The following CDKAL1 variants were observed in gnomAD, a reference collection of about 807,000 sequenced individuals.
CDKAL1 encodes threonylcarbamoyladenosine tRNA methylthiotransferase.
A neutral mutation model predicts 68.2 loss-of-function variants in CDKAL1; 32 were observed. That is an observed-to-expected ratio of 0.47 (90% CI 0.35 to 0.63). CDKAL1 has a LOEUF of 0.63. Ranked by LOEUF, CDKAL1 falls within the 30% of genes least tolerant of loss-of-function variation. CDKAL1 has a pLI of 0.00. For synonymous variants in CDKAL1, 234 were observed against 244.3 expected (o/e 0.96, Z 0.39); for missense variants, 606 against 696.7 (o/e 0.87, Z 1.47).
intron 5 of CDKAL1, among the ~76,000 whole-genome samples, chr6:20,690,575 A>G (rs1223919150): frequency 6.6e-6 from 1 of 152,198 alleles, no homozygotes; most frequent in Non-Finnish European, 1.5e-5. Context: ...TGCTAATTTA[A>G]TGGAGATTGG....
chr6:20,579,139 G>A (rs1765035748), intron 4 of CDKAL1, among the ~76,000 whole-genome samples: 1 of 152,018 alleles, frequency 6.6e-6, no homozygotes, highest in African/African-American at 2.4e-5. Flanking sequence ...CACCATGCTT[G>A]GCTAATTTTT....
At chr6:20,868,376 A>T (rs1760018147) in intron 9 of CDKAL1, among the ~76,000 whole-genome samples, 1 of 152,152 alleles carries the variant, frequency 6.6e-6, no homozygotes, top group African/African-American at 2.4e-5. Context: ...CATCATTGTA[A>T]TTTACACACT....
At chr6:20,582,738 T>C (rs540791036) in intron 4 of CDKAL1, among the ~76,000 whole-genome samples, 2 of 152,346 alleles carry the variant, frequency 1.3e-5, no homozygotes, top group South Asian at 4.1e-4. Flanking sequence ...GCACTTATTA[T>C]AATACTTAAA....
At chr6:20,661,103 T>C (rs1581915724) in intron 5 of CDKAL1, among the ~76,000 whole-genome samples, 1 of 152,162 alleles carries the variant, frequency 6.6e-6, no homozygotes, top group East Asian at 1.9e-4. Flanking sequence ...GAGGTATCCT[T>C]GGTCTCTAGA....
chr6:20,546,295 C>T (rs555354360), intron 2 of CDKAL1, 51 bp from the exon 3 acceptor site: 375 of 1,382,218 alleles, frequency 2.7e-4, no homozygotes, highest in Non-Finnish European at 2.4e-4. Flanking sequence ...AATGATGCTA[C>T]GCTAAGCAGA....
intron 10 of CDKAL1, among the ~76,000 whole-genome samples, chr6:20,965,134 G>A (rs970286578): frequency 6.6e-6 from 1 of 152,098 alleles, no homozygotes; most frequent in Non-Finnish European, 1.5e-5. Flanking sequence ...AATACAGTGA[G>A]ATCCGTCTCT....
chr6:20,969,465 CAG>C (rs964902513), intron 10 of CDKAL1, among the ~76,000 whole-genome samples: 3 of 152,136 alleles, frequency 2.0e-5, no homozygotes, highest in African/African-American at 4.8e-5. Context: ...TTTGCAGTCT[CAG>C]GGGTGGTAAA....
At chr6:20,990,822 G>C (rs760421531) in intron 10 of CDKAL1, among the ~76,000 whole-genome samples, 5 of 152,212 alleles carry the variant, frequency 3.3e-5, no homozygotes, top group Non-Finnish European at 7.3e-5. Context: ...TCCAGAAATA[G>C]GATTTCCTAG....
intron 15 of CDKAL1, among the ~76,000 whole-genome samples, chr6:21,224,504 A>ACT (rs1554199094): frequency 1.3e-5 from 2 of 152,008 alleles, no homozygotes; most frequent in African/African-American, 4.8e-5. Flanking sequence ...ACAGAGTGAG[A>ACT]CTCTGTCTCA....
intron 15 of CDKAL1, among the ~76,000 whole-genome samples, chr6:21,227,046 G>T (rs1028436764): frequency 6.6e-6 from 1 of 152,220 alleles, no homozygotes; most frequent in African/African-American, 2.4e-5. Context: ...TTCGAATTTG[G>T]TGTATGATAC....
At chr6:20,854,705 G>T (rs1040632942) in intron 9 of CDKAL1, among the ~76,000 whole-genome samples, 6 of 152,156 alleles carry the variant, frequency 3.9e-5, no homozygotes, top group African/African-American at 1.4e-4. Context: ...GCTGCTTCTG[G>T]AAATACCTTG....
At chr6:20,722,618 C>G in intron 5 of CDKAL1, 1 of 194,430 alleles carries the variant, frequency 5.1e-6, no homozygotes, top group Non-Finnish European at 1.1e-5. Flanking sequence ...GGGGCCGGAC[C>G]CTGGTGAAAC....
chr6:21,205,731 C>T (rs564512786), intron 15 of CDKAL1, among the ~76,000 whole-genome samples: 1 of 150,284 alleles, frequency 6.7e-6, no homozygotes, highest in South Asian at 2.1e-4. Context: ...CGGGGTTTCA[C>T]TGTGTTAGCC....
chr6:20,935,711 T>A (rs1047024100), intron 9 of CDKAL1, among the ~76,000 whole-genome samples: 1 of 152,232 alleles, frequency 6.6e-6, no homozygotes, highest in Non-Finnish European at 1.5e-5. Flanking sequence ...ATTACAGGTA[T>A]GAGCCACCAT....
At chr6:20,879,747 T>G (rs1190156212) in intron 9 of CDKAL1, among the ~76,000 whole-genome samples, 1 of 152,186 alleles carries the variant, frequency 6.6e-6, no homozygotes, top group African/African-American at 2.4e-5. Flanking sequence ...TTCCCACACT[T>G]CTGGTTCCTA....
intron 9 of CDKAL1, among the ~76,000 whole-genome samples, chr6:20,876,986 A>G (rs886837138): frequency 2.0e-5 from 3 of 152,220 alleles, no homozygotes; most frequent in Non-Finnish European, 4.4e-5. Context: ...CACTTGTTCA[A>G]TCAACACTTT....
rs116394473 is a variant in CDKAL1, at chr6:21,053,803, C to T, written c.1056-11245C>T. On this transcript the variant is annotated intron_variant, in intron 11 of 15. Coordinates refer to ENST00000274695, the MANE Select transcript of CDKAL1 (RefSeq NM_017774.3). ...TGTTTGTTAAATCTTTTGCCCATTG[C>T]ATCATTGTGTTGTCTTCCTGTTAGT... Among the ~76,000 whole-genome samples, 1,467 of 152,138 alleles carry T rather than the reference C, an allele frequency of 9.6e-3. 27 individuals carry two copies. Among genetic ancestry groups the T allele is most frequent in the African/African-American group, 0.034 (1,395 of 41,478 alleles).
intron 5 of CDKAL1, among the ~76,000 whole-genome samples, chr6:20,707,753 G>A (rs1454997907): frequency 2.0e-5 from 3 of 152,100 alleles, no homozygotes; most frequent in African/African-American, 7.2e-5. Flanking sequence ...TAATTGTGCT[G>A]GTATAGTGCC....
chr6:21,217,294 CTTTTT>C (rs57097019), intron 15 of CDKAL1, among the ~76,000 whole-genome samples: 1 of 142,824 alleles, frequency 7.0e-6, no homozygotes, highest in Non-Finnish European at 1.5e-5. Context: ...ATTTCTTTTT[CTTTTT>C]TTTTTTTTTT....
Sources: gnomAD v4.1 joint callset for allele counts (sites outside exome capture counted in the v4.1 genomes callset) on GRCh38, gnomAD v4.1.1 for gene constraint, MANE v1.5 for transcripts, NCBI Gene and HGNC (gene_info 2026-07-23, HGNC 2026-07-21) for gene names.